LNX1: variants seen among roughly 807,000 people sequenced by gnomAD.
LNX1 encodes the protein ligand of numb-protein X 1.
A neutral mutation model predicts 68.4 loss-of-function variants in LNX1; 54 were observed. The ratio of observed to expected loss-of-function variants is 0.79; its 90% CI spans 0.63 to 0.99. The LOEUF (loss-of-function observed/expected upper bound fraction) is 0.99. LNX1 is among the 50% of genes least tolerant of loss of function. LNX1 has a pLI of 0.00. For synonymous variants in LNX1, 336 were observed against 350.0 expected, an observed-to-expected ratio of 0.96 and a Z score of 0.45; for missense variants, 906 against 926.4, an observed-to-expected ratio of 0.98 and a Z score of 0.29.
At chr4:53,616,591 G>A (rs1252493328) in intron 1 of LNX1, 1 of 152,182 alleles carries the variant, frequency 6.6e-6, no homozygotes, top group Non-Finnish European at 1.5e-5. Flanking sequence ...CCAGCCTGGA[G>A]GAAGAGAATA....
intron 2 of LNX1, chr4:53,539,339 C>T (rs540058009): frequency 1.4e-4 from 22 of 152,106 alleles, no homozygotes; most frequent in African/African-American, 5.3e-4. Flanking sequence ...GATAAAAATG[C>T]TCAGATGTCC....
At position 53,501,299 on chromosome 4, in the gene LNX1, T is replaced by TTTGGGGG. The variant is rs56165716; in HGVS notation, c.776-2457_776-2456insCCCCCAA. On this transcript the variant is annotated intron_variant, in intron 4 of 10. Coordinates refer to ENST00000263925, the MANE Select transcript of LNX1 (RefSeq NM_001126328.3). Reference sequence around the variant, plus strand: ...TAATAATCTTTTTTTTTTTTTTTTTTGGGGGTGGGGGGACAGGATCTCACT... The same window carrying TTTGGGGG: ...TAATAATCTTTTTTTTTTTTTTTTTTTTGGGGGGGGGGTGGGGGGACAGGATCTCACT... 4.4e-3 allele frequency among the ~76,000 whole-genome samples: 171 copies of TTTGGGGG among 38,716 alleles called. 9 individuals carry two copies. The highest frequency in any genetic ancestry group is 9.1e-3 in the Non-Finnish European group (130 of 14,332). 25.4% of individuals were successfully genotyped at this position (38,716 alleles called of 152,430 possible).
intron 4 of LNX1, among the ~76,000 whole-genome samples, chr4:53,499,244 C>T (rs779457356): frequency 1.2e-4 from 18 of 152,142 alleles, no homozygotes; most frequent in African/African-American, 4.1e-4. Flanking sequence ...CTACAACCTC[C>T]GCCTCCTGAG....
At chr4:53,604,920 G>A (rs539124883) in intron 2 of LNX1, among the ~76,000 whole-genome samples, 1 of 152,166 alleles carries the variant, frequency 6.6e-6, no homozygotes, top group Non-Finnish European at 1.5e-5. Context: ...ATGTAAATGA[G>A]TGATGAAACA....
intron 1 of LNX1, chr4:53,576,421 T>C: frequency 1.4e-6 from 2 of 1,477,006 alleles, no homozygotes; most frequent in Non-Finnish European, 1.8e-6. Context: ...CAGGTCAGGC[T>C]TGGACAGGCA....
At chr4:53,612,510 T>C (rs1217384581) in intron 2 of LNX1, among the ~76,000 whole-genome samples, 4 of 152,158 alleles carry the variant, frequency 2.6e-5, no homozygotes, top group Non-Finnish European at 5.9e-5. Flanking sequence ...GAATAAATTA[T>C]GGCATATCCA....
rs539149192 is a variant in LNX1, at chr4:53,464,994, G to A, written c.1893-3401C>T. On this transcript the variant is annotated intron_variant, in intron 9 of 10. Transcript: ENST00000263925. ...ATGTTTGATGATAACTTTTGCAGCT[G>A]TGCAATATCAAATTTATCACCTACT... Among the ~76,000 whole-genome samples the A allele has an allele frequency of 1.2e-4, 18 of 152,222 alleles. No homozygotes were observed. In the South Asian group the frequency reaches 3.7e-3, roughly 32 times the overall value.
At chr4:53,626,717 G>A (rs1461053469) in intron 1 of LNX1, among the ~76,000 whole-genome samples, 1 of 152,162 alleles carries the variant, frequency 6.6e-6, no homozygotes, top group Non-Finnish European at 1.5e-5. Context: ...CCAAAAAAAA[G>A]AAGGAAATGA....
rs932085073 is a variant in LNX1 at position 53,555,911 on chromosome 4, C to A, written c.380+17712G>T. Among the ~76,000 whole-genome samples, 25 of 152,094 alleles carry A rather than the reference C, an allele frequency of 1.6e-4. 2 individuals are homozygous for A. The highest frequency in any genetic ancestry group is 1.4e-3 in the Admixed American group (21 of 15,272). ...GAAAATTTTTAAGTGGTATAAGGAC[C>A]TTCCTTCAATTAGGCTATAAAACTG... On this transcript the variant is annotated intron_variant, in intron 2 of 10. Transcript: ENST00000263925.
intron 4 of LNX1, among the ~76,000 whole-genome samples, chr4:53,504,602 T>C (rs1439858637): frequency 1.3e-5 from 2 of 152,266 alleles, no homozygotes; most frequent in Non-Finnish European, 2.9e-5. Context: ...AACTTGGCTG[T>C]TTGGCACGAG....
At chr4:53,600,953 C>G (rs1326670658) in intron 2 of LNX1, among the ~76,000 whole-genome samples, 1 of 149,690 alleles carries the variant, frequency 6.7e-6, no homozygotes, top group Non-Finnish European at 1.5e-5. Context: ...CAGTGGGCGC[C>G]TGTAATCCCA....
chr4:53,553,027 C>G (rs1256105423), intron 2 of LNX1, among the ~76,000 whole-genome samples: 2 of 152,096 alleles, frequency 1.3e-5, no homozygotes, highest in Non-Finnish European at 2.9e-5. Context: ...TTCTTTATCA[C>G]AGCTTGCAAC....
At position 53,481,769 on chromosome 4, in the gene LNX1, C is replaced by T. The variant is rs1161444590; in HGVS notation, c.1436G>A (p.Ser479Asn). The change falls in exon 7 of 11, where the codon AGC (serine) becomes AAC (asparagine). Residue 479 changes from serine (S) to asparagine (N), a missense_variant. Coordinates refer to ENST00000263925, the MANE Select transcript of LNX1 (RefSeq NM_001126328.3). ...TGGCCCTGGGGACCAGCTGCCATTG[C>T]TGTTCCAGCCGGCTTCCTGAAAGAT... ...PDIFQEAGWN[S>N]NGSWSPGPGE... 15 of 1,613,912 alleles carry T rather than the reference C, an allele frequency of 9.3e-6. 1 individual carries two copies. In the Admixed American group the frequency reaches 1.8e-4, roughly 20 times the overall value.
rs537855329 is a variant in LNX1, at chr4:53,488,633, T to C, written c.1351-6779A>G. Reference sequence around the variant, plus strand: ...ATACAAGCATAGGGGATTGTCTCTATGCTCTATGAATCCAAAAACTCAATC... The same window carrying C: ...ATACAAGCATAGGGGATTGTCTCTACGCTCTATGAATCCAAAAACTCAATC... On this transcript the variant is annotated intron_variant, in intron 6 of 10. Transcript: ENST00000263925. Among the ~76,000 whole-genome samples, 3 of 152,318 alleles carry C rather than the reference T, an allele frequency of 2.0e-5. No homozygotes were observed. In the East Asian group the frequency reaches 5.8e-4, roughly 29 times the overall value.
At chr4:53,515,662 C>A (rs1726721124) in intron 2 of LNX1, among the ~76,000 whole-genome samples, 1 of 152,116 alleles carries the variant, frequency 6.6e-6, no homozygotes, top group Non-Finnish European at 1.5e-5. Context: ...TGACCATAAC[C>A]TTTCTTTGAT....
At chr4:53,472,682 C>CAAAAAAAAAAAAAAAAAA (rs375039545) in intron 9 of LNX1, among the ~76,000 whole-genome samples, 2 of 77,450 alleles carry the variant, frequency 2.6e-5, no homozygotes, top group East Asian at 3.3e-4. Context: ...ACAACAACAA[C>CAAAAAAAAAAAAAAAAAA]AACAAAAAAA....
In LNX1 at chr4:53,507,350, T is replaced by C. The variant is rs1263169330; in HGVS notation, c.742A>G (p.Arg248Gly). ...GCAGTGGTGTTTTCAGAATTTTCCC[T>C]GCCCTGGTCGGCATGGTTGGCAACT... The part of the protein sequence containing the change: ...SAVANHADQG[R>G]ENSENTTAPE... Residue 248 changes from arginine (R) to glycine (G), a missense_variant, in exon 4 of 11, where the codon AGG (arginine) becomes GGG (glycine). Physicochemically the swap from Arg to Gly is moderately radical, Grantham distance 125. Coordinates refer to ENST00000263925, the MANE Select transcript of LNX1 (RefSeq NM_001126328.3). 1 of 1,614,170 alleles carries C rather than the reference T, an allele frequency of 6.2e-7. No individual in the cohort carries two copies. Among genetic ancestry groups the C allele is most frequent in the East Asian group, 2.2e-5 (1 of 44,880 alleles).
intron 2 of LNX1, among the ~76,000 whole-genome samples, chr4:53,531,568 T>C (rs772001189): frequency 3.2e-4 from 48 of 152,212 alleles, no homozygotes; most frequent in Non-Finnish European, 5.4e-4. Context: ...TGATTTTAGC[T>C]TGAAACTAGT....
At chr4:53,589,428 C>T (rs1039730407) in intron 1 of LNX1, among the ~76,000 whole-genome samples, 1 of 152,212 alleles carries the variant, frequency 6.6e-6, no homozygotes, top group Non-Finnish European at 1.5e-5. Flanking sequence ...CCTACAACTG[C>T]AACCACATAT....
Sources: allele counts gnomAD v4.1 joint callset (sites outside exome capture counted in the v4.1 genomes callset), GRCh38; gene constraint gnomAD v4.1.1; transcripts MANE v1.5; gene names NCBI Gene and HGNC (gene_info 2026-07-23, HGNC 2026-07-21).